Variants in DCC observed in about 807,000 individuals in gnomAD.
DCC encodes the protein DCC netrin 1 receptor.
A neutral mutation model predicts 172.5 loss-of-function variants in DCC; 58 were observed. The observed-to-expected ratio is 0.34, with a 90% confidence interval of 0.27 to 0.42. DCC has a LOEUF of 0.42. Ranked by LOEUF, DCC falls within the 10% of genes least tolerant of loss-of-function variation. The pLI is 1.00. For missense variants in DCC, 1,740 were observed against 1,791.0 expected (o/e 0.97, Z 0.51); for synonymous variants, 709 against 644.5 (o/e 1.10, Z -1.52).
intron 5 of DCC, among the ~76,000 whole-genome samples, chr18:53,061,573 A>C (rs903449502): frequency 1.3e-5 from 2 of 152,228 alleles, no homozygotes; most frequent in African/African-American, 4.8e-5. Context: ...GATTTTATTT[A>C]ATGACTCTAA....
In DCC at chr18:52,520,324, G is replaced by A. The variant is rs574839617; in HGVS notation, c.91+179446G>A. Among the ~76,000 whole-genome samples, 6 of 152,318 alleles carry A rather than the reference G, an allele frequency of 3.9e-5. No individual in the cohort carries two copies. The South Asian group carries it at 1.2e-3, about 32-fold the overall frequency. On this transcript the variant is annotated intron_variant, in intron 1 of 28. Transcript: ENST00000442544. ...CAGAACAGGCTTGCCGAACCCTGTA[G>A]CATAAGTGGTTACTGCTATAATCAG...
At chr18:52,900,843 G>T (rs911894394) in intron 2 of DCC, among the ~76,000 whole-genome samples, 1 of 152,142 alleles carries the variant, frequency 6.6e-6, no homozygotes, top group Admixed American at 6.5e-5. Context: ...AATTCATTCT[G>T]GGAATCAAGG....
chr18:53,522,599 C>T (rs2046411478), intron 27 of DCC, among the ~76,000 whole-genome samples: 1 of 152,074 alleles, frequency 6.6e-6, no homozygotes, highest in Non-Finnish European at 1.5e-5. Context: ...GAACAGAGGT[C>T]TCAGAAACAT....
intron 2 of DCC, among the ~76,000 whole-genome samples, chr18:52,878,106 T>G (rs2039429338): frequency 1.3e-5 from 2 of 152,106 alleles, no homozygotes; most frequent in African/African-American, 4.8e-5. Context: ...TTCCTCCATA[T>G]TTCCTAACGT....
intron 18 of DCC, among the ~76,000 whole-genome samples, chr18:53,402,204 A>G (rs1909339599): frequency 2.0e-5 from 3 of 152,244 alleles, no homozygotes; most frequent in East Asian, 1.9e-4. Flanking sequence ...CAGCGTGGCA[A>G]CATAGACCCA....
At chr18:52,939,843 C>T (rs2040433810) in intron 5 of DCC, among the ~76,000 whole-genome samples, 1 of 152,022 alleles carries the variant, frequency 6.6e-6, no homozygotes, top group Non-Finnish European at 1.5e-5. Context: ...GAAAAGAATA[C>T]CAGGATAACC....
intron 15 of DCC, among the ~76,000 whole-genome samples, chr18:53,359,898 C>T (rs79162241): frequency 0.015 from 2,325 of 152,226 alleles, 25 homozygotes; most frequent in Non-Finnish European, 0.024. Context: ...AGGCTTGTAT[C>T]CCATCTTCTT....
chr18:52,615,276 CTCTT>C (rs763320478), intron 1 of DCC, among the ~76,000 whole-genome samples: 22 of 152,314 alleles, frequency 1.4e-4, no homozygotes, highest in Middle Eastern at 6.8e-3. Flanking sequence ...ATTTATGTAA[CTCTT>C]TCTGTCCTGC....
chr18:53,063,109 C>G (rs2042518922), intron 5 of DCC, among the ~76,000 whole-genome samples, 196 bp from the exon 6 acceptor site: 1 of 151,968 alleles, frequency 6.6e-6, no homozygotes, highest in African/African-American at 2.4e-5. Flanking sequence ...CTAACTGCAA[C>G]TGTTTAACTG....
chr18:52,699,338 G>A (rs2036067803), intron 1 of DCC, among the ~76,000 whole-genome samples: 1 of 152,172 alleles, frequency 6.6e-6, no homozygotes, highest in East Asian at 1.9e-4. Context: ...CTCATGCTAG[G>A]AGCTCATGTG....
At chr18:53,142,704 C>T (rs2043849358) in intron 7 of DCC, among the ~76,000 whole-genome samples, 1 of 152,208 alleles carries the variant, frequency 6.6e-6, no homozygotes, top group South Asian at 2.1e-4. Flanking sequence ...GCTAACGTCT[C>T]ACATGACTGT....
At chr18:52,824,276 T>C (rs2038465128) in intron 2 of DCC, among the ~76,000 whole-genome samples, 1 of 152,210 alleles carries the variant, frequency 6.6e-6, no homozygotes, top group Non-Finnish European at 1.5e-5. Flanking sequence ...TTTACTCTCC[T>C]TGTGTCTTGT....
intron 1 of DCC, among the ~76,000 whole-genome samples, chr18:52,599,305 G>A (rs971535526): frequency 2.0e-5 from 3 of 152,042 alleles, no homozygotes; most frequent in African/African-American, 7.2e-5. Flanking sequence ...ACCAGGGGTC[G>A]AAAAACCTTT....
intron 5 of DCC, among the ~76,000 whole-genome samples, chr18:53,016,296 T>TA (rs2041806697): frequency 6.6e-6 from 1 of 152,074 alleles, no homozygotes; most frequent in African/African-American, 2.4e-5. Flanking sequence ...AAACCATTGA[T>TA]AAAAAATTAT....
chr18:52,938,931 C>G (rs1263905710), intron 5 of DCC, among the ~76,000 whole-genome samples: 3 of 152,080 alleles, frequency 2.0e-5, no homozygotes, highest in Admixed American at 2.0e-4. Context: ...TAACTTGTCT[C>G]TCTTCCATTC....
intron 2 of DCC, among the ~76,000 whole-genome samples, chr18:52,834,688 A>G (rs2116379): frequency 0.44 from 66,591 of 151,894 alleles, 14,766 homozygotes; most frequent in South Asian, 0.55. Flanking sequence ...GCTTAGAATC[A>G]AAGCTTATCA....
chr18:52,516,020 A>G (rs1441423185), intron 1 of DCC, among the ~76,000 whole-genome samples: 3 of 151,966 alleles, frequency 2.0e-5, no homozygotes, highest in Non-Finnish European at 4.4e-5. Context: ...ATTTTTAGTC[A>G]TTGGGGAAAT....
intron 5 of DCC, among the ~76,000 whole-genome samples, chr18:53,048,470 C>A (rs1268966091): frequency 6.9e-6 from 1 of 145,098 alleles, no homozygotes; most frequent in Non-Finnish European, 1.5e-5. Flanking sequence ...TATTTTATGG[C>A]TGTGTAATAC....
At chr18:52,407,365 A>G (rs933034424) in intron 1 of DCC, among the ~76,000 whole-genome samples, 3 of 152,118 alleles carry the variant, frequency 2.0e-5, no homozygotes, top group Non-Finnish European at 4.4e-5. Flanking sequence ...TATAAACCTA[A>G]TAAGAGATGA....
Sources: gnomAD v4.1 joint callset for allele counts (sites outside exome capture counted in the v4.1 genomes callset) on GRCh38, gnomAD v4.1.1 for gene constraint, MANE v1.5 for transcripts, NCBI Gene and HGNC (gene_info 2026-07-23, HGNC 2026-07-21) for gene names.